The following UGT1A10 variants were observed in gnomAD, a reference collection of about 807,000 sequenced individuals.
UGT1A10 encodes UDP-glucuronosyltransferase 1A10.
In UGT1A10, 49 loss-of-function variants were observed where a neutral mutation model predicts 45.8. That is an observed-to-expected ratio of 1.07 (90% CI 0.85 to 1.36). The LOEUF is 1.36. Among genes scored for constraint, UGT1A10 ranks in the 40% most tolerant of loss-of-function variants. The probability of loss-of-function intolerance (pLI) is 0.00; values close to 1 mark genes in which losing one functional copy is unlikely to be tolerated. For missense variants in UGT1A10, 745 were observed against 668.6 expected, an observed-to-expected ratio of 1.11 and a Z score of -1.26; for synonymous variants, 284 against 249.7, an observed-to-expected ratio of 1.14 and a Z score of -1.29.
chr2:233,681,907 C>G, intron 1 of UGT1A10: 2 of 1,596,872 alleles, frequency 1.3e-6, no homozygotes, highest in Non-Finnish European at 1.7e-6. Context: ...GCTTAGAATC[C>G]CAGCTGCTGG....
Position 233,645,310 on chromosome 2 carries a change from A to G in UGT1A10, c.855+7933A>G, listed in dbSNP as rs554916233. Among the ~76,000 whole-genome samples, 16 of 152,270 alleles carry G rather than the reference A, an allele frequency of 1.1e-4. No individual in the cohort carries two copies. In the East Asian group the frequency reaches 3.1e-3, roughly 29 times the overall value. ...TGTGGGAGTTACAATTCAAGATGAG[A>G]TTTAGGTGGGGACACAGCCAAACCA... On this transcript the variant is annotated intron_variant, in intron 1 of 4. Transcript: ENST00000344644.
chr2:233,760,524 C>T (rs2125985415), intron 1 of UGT1A10: 1 of 1,614,240 alleles, frequency 6.2e-7, no homozygotes, highest in Non-Finnish European at 8.5e-7. Context: ...TGAAGACGTA[C>T]CCTGTGCCAT....
chr2:233,664,283 C>A (rs558779530), intron 1 of UGT1A10, among the ~76,000 whole-genome samples: 1 of 152,310 alleles, frequency 6.6e-6, no homozygotes, highest in Non-Finnish European at 1.5e-5. Context: ...TTCTTCTGAG[C>A]CCTCCAAACT....
In UGT1A10 at chr2:233,637,214, C is replaced by T. The variant is rs768576476; in HGVS notation, c.692C>T (p.Ala231Val). The T allele has an allele frequency of 6.2e-7, 1 of 1,613,934 alleles. No individual in the cohort carries two copies. The highest frequency in any genetic ancestry group is 1.7e-5 in the Admixed American group (1 of 60,022). The change falls in exon 1 of 5, where the codon GCC (alanine) becomes GTC (valine). Residue 231 changes from alanine to valine, a missense_variant. Coordinates refer to ENST00000344644, the MANE Select transcript of UGT1A10 (RefSeq NM_019075.4). ...QYLFRNALEI[A>V]SEILQTPVTA... is the part of the protein sequence containing the mutation. ...CTTTTTAGAAATGCCCTAGAAATAG[C>T]CTCTGAAATTCTCCAAACCCCTGTC...
intron 1 of UGT1A10, among the ~76,000 whole-genome samples, chr2:233,704,643 A>G (rs2075801430): frequency 6.6e-6 from 1 of 152,104 alleles, no homozygotes; most frequent in Admixed American, 6.6e-5. Flanking sequence ...CTTTTTGCTT[A>G]TCATTTTTGG....
intron 1 of UGT1A10, among the ~76,000 whole-genome samples, chr2:233,707,756 ATG>A (rs1340445888): frequency 2.0e-5 from 3 of 152,182 alleles, no homozygotes; most frequent in African/African-American, 4.8e-5. Context: ...TCTGAAACAC[ATG>A]TGAGTGGGTT....
At chr2:233,686,122 T>A (rs558315313) in intron 1 of UGT1A10, among the ~76,000 whole-genome samples, 1 of 152,234 alleles carries the variant, frequency 6.6e-6, no homozygotes, top group East Asian at 1.9e-4. Flanking sequence ...ACCCTTACCT[T>A]GTATCATATA....
chr2:233,673,802 T>C (rs1020033009), intron 1 of UGT1A10, among the ~76,000 whole-genome samples: 3 of 152,200 alleles, frequency 2.0e-5, no homozygotes, highest in Non-Finnish European at 4.4e-5. Flanking sequence ...CCAGCCACAT[T>C]ACTAACTTAT....
intron 1 of UGT1A10, among the ~76,000 whole-genome samples, chr2:233,665,168 TA>T (rs2125493541): frequency 6.6e-6 from 1 of 152,326 alleles, no homozygotes; most frequent in East Asian, 1.9e-4. Context: ...GCCAATAAAT[TA>T]TAGACATCTT....
chr2:233,751,261 C>T (rs1694682107), intron 1 of UGT1A10, among the ~76,000 whole-genome samples: 1 of 151,890 alleles, frequency 6.6e-6, no homozygotes, highest in South Asian at 2.1e-4. Flanking sequence ...GGCCTGTAGC[C>T]CCCTTTTTTT....
intron 1 of UGT1A10, among the ~76,000 whole-genome samples, chr2:233,674,946 C>T (rs975095168): frequency 2.6e-5 from 4 of 152,206 alleles, no homozygotes; most frequent in East Asian, 3.8e-4. Context: ...CAGTTGGTTA[C>T]ATCTTGCTGG....
At chr2:233,682,734 T>C in intron 1 of UGT1A10, 1 of 1,613,986 alleles carries the variant, frequency 6.2e-7, no homozygotes, top group Non-Finnish European at 8.5e-7. Context: ...AAACCCGTGA[T>C]GCCCAATATG....
chr2:233,675,734 A>T (rs1422335513), intron 1 of UGT1A10, among the ~76,000 whole-genome samples: 4 of 152,200 alleles, frequency 2.6e-5, no homozygotes, highest in African/African-American at 9.7e-5. Flanking sequence ...TGCTCTACTA[A>T]TTCATCTATC....
intron 1 of UGT1A10, chr2:233,672,936 T>C: frequency 7.0e-7 from 1 of 1,419,008 alleles, no homozygotes; most frequent in Non-Finnish European, 9.3e-7. Context: ...CCAATGCGTG[T>C]ACTCGTCAGT....
intron 1 of UGT1A10, among the ~76,000 whole-genome samples, chr2:233,681,267 C>T (rs2074516527): frequency 1.3e-5 from 2 of 152,010 alleles, no homozygotes; most frequent in South Asian, 4.2e-4. Flanking sequence ...GGTGTAGTGG[C>T]TCACGCCTGT....
At chr2:233,710,529 T>A (rs1407208891) in intron 1 of UGT1A10, among the ~76,000 whole-genome samples, 1 of 152,266 alleles carries the variant, frequency 6.6e-6, no homozygotes, top group Admixed American at 6.5e-5. Flanking sequence ...AATCTTTTCA[T>A]GTGCTTATTG....
At chr2:233,745,498 TCC>T (rs1294393562) in intron 1 of UGT1A10, among the ~76,000 whole-genome samples, 2 of 151,620 alleles carry the variant, frequency 1.3e-5, no homozygotes, top group Non-Finnish European at 2.9e-5. Flanking sequence ...TTCTAAGATT[TCC>T]TATAGGGTAT....
intron 1 of UGT1A10, among the ~76,000 whole-genome samples, chr2:233,735,255 T>C (rs1489550965): frequency 6.6e-6 from 1 of 152,240 alleles, no homozygotes; most frequent in Non-Finnish European, 1.5e-5. Flanking sequence ...ATTGCTCCCT[T>C]TACCATTATG....
chr2:233,644,985 C>G (rs1035720896), intron 1 of UGT1A10, among the ~76,000 whole-genome samples: 7 of 152,040 alleles, frequency 4.6e-5, no homozygotes, highest in Non-Finnish European at 7.4e-5. Context: ...CTTATGACCC[C>G]TGATTGAGAA....
Sources: allele counts gnomAD v4.1 joint callset (sites outside exome capture counted in the v4.1 genomes callset), GRCh38; gene constraint gnomAD v4.1.1; transcripts MANE v1.5; gene names NCBI Gene and HGNC (gene_info 2026-07-23, HGNC 2026-07-21).